Variants in DLG2 observed in about 807,000 individuals in gnomAD.
DLG2 encodes disks large homolog 2.
In DLG2, 45 loss-of-function variants were observed where a neutral mutation model predicts 132.5. That is an observed-to-expected ratio of 0.34 (90% CI 0.27 to 0.44). The LOEUF (loss-of-function observed/expected upper bound fraction) is 0.44, where lower values mean the gene tolerates loss of function less well. Among genes scored for constraint, DLG2 ranks in the 20% least tolerant of loss-of-function variants. The pLI is 1.00. For missense variants in DLG2, 1,045 were observed against 1,196.9 expected, an observed-to-expected ratio of 0.87 and a Z score of 1.87; for synonymous variants, 424 against 419.6, an observed-to-expected ratio of 1.01 and a Z score of -0.13.
chr11:84,866,131 A>G (rs926732930), intron 6 of DLG2, among the ~76,000 whole-genome samples: 1 of 152,216 alleles, frequency 6.6e-6, no homozygotes, highest in African/African-American at 2.4e-5. Flanking sequence ...GTAATCTCAA[A>G]TTTCAATCAA....
intron 3 of DLG2, among the ~76,000 whole-genome samples, chr11:85,394,476 G>A (rs1466937080): frequency 1.3e-5 from 2 of 152,342 alleles, no homozygotes; most frequent in East Asian, 3.9e-4. Context: ...CAACACTGAT[G>A]TCTGTGCCAC....
chr11:83,584,322 G>A (rs1044751989), intron 19 of DLG2, among the ~76,000 whole-genome samples: 5 of 152,200 alleles, frequency 3.3e-5, no homozygotes, highest in African/African-American at 9.7e-5. Context: ...GTTCGGTAAT[G>A]TTTGTTATGA....
At chr11:85,311,079 C>T (rs2080283896) in intron 3 of DLG2, among the ~76,000 whole-genome samples, 1 of 152,144 alleles carries the variant, frequency 6.6e-6, no homozygotes, top group South Asian at 2.1e-4. Flanking sequence ...TTACATTTCT[C>T]AAATGTTATA....
intron 6 of DLG2, among the ~76,000 whole-genome samples, chr11:84,556,042 C>T (rs2099411385): frequency 6.6e-6 from 1 of 152,272 alleles, no homozygotes; most frequent in Middle Eastern, 3.4e-3. Flanking sequence ...TTTTCTTTTG[C>T]CCACCCACAC....
chr11:84,767,078 T>C (rs186423798), intron 6 of DLG2, among the ~76,000 whole-genome samples: 1 of 152,176 alleles, frequency 6.6e-6, no homozygotes, highest in African/African-American at 2.4e-5. Flanking sequence ...TCAGTTTTCT[T>C]ATCTTTAAAA....
intron 6 of DLG2, among the ~76,000 whole-genome samples, chr11:84,919,757 A>C (rs1052504832): frequency 6.6e-6 from 1 of 152,196 alleles, no homozygotes; most frequent in African/African-American, 2.4e-5. Flanking sequence ...ACCTTCAAAA[A>C]TTGATCCATT....
chr11:83,749,160 C>G (rs1245760732), intron 18 of DLG2, among the ~76,000 whole-genome samples: 2 of 152,176 alleles, frequency 1.3e-5, no homozygotes, highest in Non-Finnish European at 2.9e-5. Flanking sequence ...AGCAGCACAA[C>G]ACAGATGAGA....
At position 83,883,651 on chromosome 11, in the gene DLG2, G is replaced by A. The variant is rs143342292; in HGVS notation, c.1497-9163C>T. On this transcript the variant is annotated intron_variant, in intron 15 of 27. Transcript: ENST00000376104. ...GGCCTCAAAGCCTGAAACACCAGGA[G>A]CAAAATATAGTGTTTTAACACAGCG... is the stretch of plus-strand genomic sequence containing the variant. Among the ~76,000 whole-genome samples, 132 of 152,274 alleles carry A rather than the reference G, an allele frequency of 8.7e-4. 1 individual carries two copies. The Middle Eastern group carries it at 0.01, about 12-fold the overall frequency.
intron 3 of DLG2, among the ~76,000 whole-genome samples, chr11:85,487,449 T>C (rs1242984029): frequency 6.9e-6 from 1 of 145,596 alleles, no homozygotes; most frequent in African/African-American, 2.5e-5. Context: ...CAGGATATGA[T>C]GAAAATTTTA....
intron 9 of DLG2, among the ~76,000 whole-genome samples, chr11:84,108,515 T>C (rs990581747): frequency 6.6e-6 from 1 of 152,136 alleles, no homozygotes; most frequent in Non-Finnish European, 1.5e-5. Context: ...CAGTTAAGTA[T>C]TCTTGGCAGA....
intron 6 of DLG2, among the ~76,000 whole-genome samples, chr11:85,051,843 A>T (rs1336984421): frequency 6.6e-6 from 1 of 152,112 alleles, no homozygotes; most frequent in Non-Finnish European, 1.5e-5. Context: ...CCCAGGATAG[A>T]CTTGGCACAA....
chr11:83,600,236 G>GGGGTGTGTGTGTGTGT (rs142616504), intron 19 of DLG2, among the ~76,000 whole-genome samples: 9 of 145,624 alleles, frequency 6.2e-5, no homozygotes, highest in African/African-American at 1.3e-4. Context: ...CTAGCTATAG[G>GGGGTGTGTGTGTGTGT]GTGTGTGTGT....
chr11:83,981,378 T>C (rs1484629316), intron 11 of DLG2, among the ~76,000 whole-genome samples: 2 of 152,072 alleles, frequency 1.3e-5, no homozygotes, highest in African/African-American at 4.8e-5. Context: ...AAATTAAAAA[T>C]ATTCCTTAAA....
intron 18 of DLG2, among the ~76,000 whole-genome samples, chr11:83,724,499 G>T (rs1324621541): frequency 6.7e-6 from 1 of 149,462 alleles, no homozygotes; most frequent in Non-Finnish European, 1.5e-5. Flanking sequence ...GAGAGAGAGA[G>T]AGAGAGAGAG....
chr11:84,773,946 G>A (rs2069895393), intron 6 of DLG2, among the ~76,000 whole-genome samples: 1 of 152,118 alleles, frequency 6.6e-6, no homozygotes, highest in African/African-American at 2.4e-5. Context: ...AGAGTAATCA[G>A]ACAAGAGAAA....
chr11:84,667,215 T>C (rs2099700586), intron 6 of DLG2, among the ~76,000 whole-genome samples: 1 of 152,116 alleles, frequency 6.6e-6, no homozygotes, highest in Admixed American at 6.6e-5. Flanking sequence ...GGCAGGTAAG[T>C]AAGCAACTTA....
At chr11:83,674,051 T>A (rs1374209170) in intron 18 of DLG2, among the ~76,000 whole-genome samples, 2 of 152,218 alleles carry the variant, frequency 1.3e-5, no homozygotes, top group Non-Finnish European at 2.9e-5. Flanking sequence ...AATGTTATTC[T>A]CCCTAATTGT....
chr11:83,870,632 A>T (rs1343259040), intron 16 of DLG2, among the ~76,000 whole-genome samples: 2 of 152,172 alleles, frequency 1.3e-5, no homozygotes, highest in African/African-American at 2.4e-5. Context: ...GCCAACTCTC[A>T]AACTAGCTCA....
At chr11:85,403,634 C>CA (rs1437815894) in intron 3 of DLG2, among the ~76,000 whole-genome samples, 1 of 151,722 alleles carries the variant, frequency 6.6e-6, no homozygotes, top group Non-Finnish European at 1.5e-5. Context: ...GTTTTGTGGG[C>CA]AGGGTAAGGA....
Sources: allele counts gnomAD v4.1 joint callset (sites outside exome capture counted in the v4.1 genomes callset), GRCh38; gene constraint gnomAD v4.1.1; transcripts MANE v1.5; gene names NCBI Gene and HGNC (gene_info 2026-07-23, HGNC 2026-07-21).